The following GDAP1 variants were observed in gnomAD, a reference collection of about 807,000 sequenced individuals.
The protein encoded by GDAP1 is ganglioside-induced differentiation-associated protein 1.
In GDAP1, 34 loss-of-function variants were observed where a neutral mutation model predicts 40.1. That is an observed-to-expected ratio of 0.85 (90% confidence interval 0.64 to 1.13). GDAP1 has a LOEUF of 1.13. GDAP1 is among the 50% of genes most tolerant of loss of function. The probability of loss-of-function intolerance (pLI) is 0.00; values close to 1 mark genes in which losing one functional copy is unlikely to be tolerated. For missense variants in GDAP1, 374 were observed against 433.7 expected, an observed-to-expected ratio of 0.86 and a Z score of 1.22; for synonymous variants, 170 against 157.4, an observed-to-expected ratio of 1.08 and a Z score of -0.60.
chr8:74,378,348 C>T (rs1036228220), intron 2 of GDAP1, among the ~76,000 whole-genome samples: 7 of 152,158 alleles, frequency 4.6e-5, no homozygotes, highest in Non-Finnish European at 8.8e-5. Flanking sequence ...AGAGTCCATG[C>T]AACTCCTGGT....
intron 2 of GDAP1, among the ~76,000 whole-genome samples, chr8:74,411,263 C>G (rs1805706307): frequency 6.7e-6 from 1 of 149,918 alleles, no homozygotes; most frequent in South Asian, 2.1e-4. Context: ...CAGACTAATA[C>G]AGCATACTTT....
chr8:74,472,186 T>G (rs58574877), intron 2 of GDAP1, among the ~76,000 whole-genome samples: 10,394 of 152,220 alleles, frequency 0.068, 578 homozygotes, highest in African/African-American at 0.16. Flanking sequence ...AAGACTATGT[T>G]GTATTTGGTT....
chr8:74,429,739 C>G (rs1165713552), intron 2 of GDAP1, among the ~76,000 whole-genome samples: 1 of 152,104 alleles, frequency 6.6e-6, no homozygotes, highest in African/African-American at 2.4e-5. Context: ...CTTTGAAGTA[C>G]TGGGGGTGTG....
chr8:74,431,703 G>C (rs932853363), intron 2 of GDAP1, among the ~76,000 whole-genome samples: 7 of 151,832 alleles, frequency 4.6e-5, no homozygotes, highest in African/African-American at 1.2e-4. Flanking sequence ...GGATGGTCTC[G>C]ATCTCCTGAC....
At chr8:74,426,560 C>G (rs923112084) in intron 2 of GDAP1, among the ~76,000 whole-genome samples, 1 of 152,128 alleles carries the variant, frequency 6.6e-6, no homozygotes, top group Non-Finnish European at 1.5e-5. Flanking sequence ...AACTGTTCCA[C>G]GTTACTTTTC....
chr8:74,451,739 G>A (rs1806297103), intron 2 of GDAP1, among the ~76,000 whole-genome samples: 1 of 79,946 alleles, frequency 1.3e-5, no homozygotes. Context: ...TTTCAGTAAT[G>A]GAAAAAGATA....
chr8:74,414,737 G>A (rs1805757784), intron 2 of GDAP1, among the ~76,000 whole-genome samples: 2 of 149,526 alleles, frequency 1.3e-5, no homozygotes, highest in African/African-American at 2.5e-5. Flanking sequence ...CTCAGAATGA[G>A]GATAAAGAAT....
chr8:74,421,455 AGTACTT>A (rs1227741075), intron 2 of GDAP1, among the ~76,000 whole-genome samples: 3 of 152,184 alleles, frequency 2.0e-5, no homozygotes, highest in Admixed American at 6.6e-5. Context: ...TGGGATGAAG[AGTACTT>A]GTCACTATTG....
chr8:74,403,470 A>G (rs1377741537), intron 2 of GDAP1, among the ~76,000 whole-genome samples: 1 of 150,362 alleles, frequency 6.7e-6, no homozygotes. Flanking sequence ...CGTTCTACAT[A>G]GGAGATGACT....
At chr8:74,446,284 C>G (rs2131574725) in intron 2 of GDAP1, among the ~76,000 whole-genome samples, 1 of 152,236 alleles carries the variant, frequency 6.6e-6, no homozygotes, top group South Asian at 2.1e-4. Context: ...GGCGGTGGGA[C>G]TAGTGGAGAC....
intron 2 of GDAP1, among the ~76,000 whole-genome samples, chr8:74,445,075 A>G (rs1432499006): frequency 6.6e-6 from 1 of 152,204 alleles, no homozygotes; most frequent in Non-Finnish European, 1.5e-5. Context: ...GTCAAGTTCA[A>G]CGTCCTAGTC....
intron 2 of GDAP1, among the ~76,000 whole-genome samples, chr8:74,424,900 A>G (rs932444908): frequency 1.3e-5 from 2 of 152,132 alleles, no homozygotes; most frequent in African/African-American, 4.8e-5. Flanking sequence ...GTTATTATAG[A>G]TTTCTGAATT....
chr8:74,427,160 A>G (rs1275629555), intron 2 of GDAP1, among the ~76,000 whole-genome samples: 2 of 152,184 alleles, frequency 1.3e-5, no homozygotes, highest in South Asian at 2.1e-4. Context: ...AGAAGCCTGT[A>G]TTGGCCTGAT....
At chr8:74,484,799 C>G (rs1442956569) in intron 2 of GDAP1, among the ~76,000 whole-genome samples, 1 of 152,084 alleles carries the variant, frequency 6.6e-6, no homozygotes, top group East Asian at 1.9e-4. Flanking sequence ...CACTGAGTTT[C>G]CTAAAAGTCC....
chr8:74,350,644 G>A lies in GDAP1; in HGVS notation c.117+66G>A, dbSNP rs1252633354. On this transcript the variant is annotated intron_variant, in intron 1 of 5. Transcript: ENST00000220822. ...CTTCAGCACTGGGACAGCTCCTTCT[G>A]AGTCCCGCCCAGGGAAGCCGGTCCA... is the stretch of plus-strand genomic sequence containing the variant. 2.9e-6 allele frequency: 3 copies of A among 1,017,418 alleles called. No individual in the cohort carries two copies. The African/African-American group carries it at 4.7e-5, about 16-fold the overall frequency. 63.0% of individuals were successfully genotyped at this position (1,017,418 alleles called of 1,614,324 possible).
In GDAP1 at chr8:74,365,948, G is replaced by A; in HGVS notation, c.*1581G>A. The A allele has an allele frequency of 2.2e-6, 1 of 453,044 alleles. No homozygotes were observed. Among genetic ancestry groups the A allele is most frequent in the Non-Finnish European group, 4.4e-6 (1 of 226,524 alleles). 28.1% of individuals were successfully genotyped at this position (453,044 alleles called of 1,614,324 possible). A position where few individuals can be genotyped will look rare whatever the true frequency, so the allele number is the denominator to read the frequency against. ...CCATGTATTCATTAGAGCCATAGAAGTTATTATTCATTAGTTCATAGTGTT... is the reference window on the plus strand; with the variant it reads ...CCATGTATTCATTAGAGCCATAGAAATTATTATTCATTAGTTCATAGTGTT... On this transcript the variant is annotated 3_prime_UTR_variant, in exon 6 of 6. Transcript: ENST00000220822.
At position 74,488,729 on chromosome 8, in the gene GDAP1, C is replaced by T. The variant is rs1806806151; in HGVS notation, c.217C>T (p.Gln73Ter). 6.6e-6 allele frequency: 1 copy of T among 152,196 alleles called. No individual in the cohort carries two copies. Among genetic ancestry groups the T allele is most frequent in the African/African-American group, 2.4e-5 (1 of 41,450 alleles). 9.4% of individuals were successfully genotyped at this position (152,196 alleles called of 1,614,324 possible). A position where few individuals can be genotyped will look rare whatever the true frequency, so the allele number is the denominator to read the frequency against. Reference sequence around the variant, plus strand: ...AGAACAGCTCACCTGGTGCCAAAGACAACAGTGGACTTGGCAGAGCTTGCT... The same window carrying T: ...AGAACAGCTCACCTGGTGCCAAAGATAACAGTGGACTTGGCAGAGCTTGCT... Residue 73 changes from glutamine to a stop codon, truncating the protein, a stop_gained, in exon 3 of 3, where the codon CAA becomes TAA. Coordinates refer to the GDAP1 transcript ENST00000523640. LOFTEE classifies it high-confidence loss of function.
At chr8:74,441,437 C>T (rs753308278) in intron 2 of GDAP1, among the ~76,000 whole-genome samples, 2 of 152,034 alleles carry the variant, frequency 1.3e-5, no homozygotes, top group Non-Finnish European at 2.9e-5. Context: ...TTTGTCCTAA[C>T]CTTTGACTGA....
chr8:74,448,171 C>A (rs569561526), intron 2 of GDAP1, among the ~76,000 whole-genome samples: 1 of 152,148 alleles, frequency 6.6e-6, no homozygotes, highest in African/African-American at 2.4e-5. Context: ...TCATTACCTT[C>A]CACAGGCAAG....
Sources: allele counts gnomAD v4.1 joint callset (sites outside exome capture counted in the v4.1 genomes callset), GRCh38; gene constraint gnomAD v4.1.1; transcripts MANE v1.5; gene names NCBI Gene and HGNC (gene_info 2026-07-23, HGNC 2026-07-21).